RAPGEF4: variants seen among roughly 807,000 people sequenced by gnomAD.
The protein encoded by RAPGEF4 is RAP guanine-nucleotide-exchange factor (GEF) 4.
A neutral mutation model predicts 147.9 loss-of-function variants in RAPGEF4; 66 were observed. The observed-to-expected ratio is 0.45, with a 90% confidence interval of 0.37 to 0.55. The LOEUF (loss-of-function observed/expected upper bound fraction) is 0.55, where lower values mean the gene tolerates loss of function less well. Among genes scored for constraint, RAPGEF4 ranks in the 20% least tolerant of loss-of-function variants. The pLI is 0.00. For synonymous variants in RAPGEF4, 419 were observed against 442.7 expected, an observed-to-expected ratio of 0.95 and a Z score of 0.67; for missense variants, 1,071 against 1,257.3, an observed-to-expected ratio of 0.85 and a Z score of 2.24.
intron 1 of RAPGEF4, among the ~76,000 whole-genome samples, chr2:172,785,318 G>C (rs1395925704): frequency 1.3e-5 from 2 of 151,982 alleles, no homozygotes; most frequent in African/African-American, 4.8e-5. Flanking sequence ...CCTCTAAAAG[G>C]CATGGAAAAA....
At chr2:172,790,073 T>C (rs1181706675) in intron 1 of RAPGEF4, among the ~76,000 whole-genome samples, 1 of 152,240 alleles carries the variant, frequency 6.6e-6, no homozygotes, top group Non-Finnish European at 1.5e-5. Flanking sequence ...TTTTAGATAC[T>C]GACCAACAGT....
intron 1 of RAPGEF4, among the ~76,000 whole-genome samples, chr2:172,747,888 G>T (rs1439509026): frequency 3.9e-5 from 6 of 152,162 alleles, no homozygotes; most frequent in Admixed American, 1.3e-4. Context: ...GAATATTTTA[G>T]ATTCTATATG....
intron 4 of RAPGEF4, among the ~76,000 whole-genome samples, chr2:172,842,698 C>T (rs1348830210): frequency 6.6e-6 from 1 of 152,224 alleles, no homozygotes; most frequent in African/African-American, 2.4e-5. Context: ...CCCAAGAGAA[C>T]CAGGCAGAAG....
At chr2:172,828,513 C>T (rs1249449271) in intron 4 of RAPGEF4, among the ~76,000 whole-genome samples, 1 of 152,146 alleles carries the variant, frequency 6.6e-6, no homozygotes, top group Non-Finnish European at 1.5e-5. Flanking sequence ...TCCTCCTTGA[C>T]CCATCTCACA....
chr2:172,905,791 C>T (rs1467068338), intron 4 of RAPGEF4, among the ~76,000 whole-genome samples: 2 of 152,150 alleles, frequency 1.3e-5, no homozygotes, highest in African/African-American at 4.8e-5. Context: ...TATAAAAGGG[C>T]CAAAGGATGT....
chr2:172,869,275 C>A (rs1258089678), intron 4 of RAPGEF4, among the ~76,000 whole-genome samples: 1 of 152,130 alleles, frequency 6.6e-6, no homozygotes, highest in African/African-American at 2.4e-5. Flanking sequence ...ATGGAAAAAA[C>A]CAAACCAGAG....
chr2:172,782,283 G>A (rs960689464), intron 1 of RAPGEF4, among the ~76,000 whole-genome samples: 3 of 152,226 alleles, frequency 2.0e-5, no homozygotes, highest in African/African-American at 7.2e-5. Flanking sequence ...AGTCCTGGCT[G>A]TGCATGCTGT....
intron 29 of RAPGEF4, among the ~76,000 whole-genome samples, chr2:173,044,760 G>A (rs1685240750): frequency 6.6e-6 from 1 of 152,156 alleles, no homozygotes; most frequent in Non-Finnish European, 1.5e-5. Flanking sequence ...TAAAGGAGGC[G>A]CTCTAATGTG....
At chr2:172,783,295 T>C (rs543438095) in intron 1 of RAPGEF4, among the ~76,000 whole-genome samples, 1 of 152,320 alleles carries the variant, frequency 6.6e-6, no homozygotes, top group South Asian at 2.1e-4. Flanking sequence ...AGGGCAAAAT[T>C]GTGGTCTGCA....
intron 6 of RAPGEF4, among the ~76,000 whole-genome samples, chr2:172,937,106 A>C (rs756151878): frequency 6.7e-6 from 1 of 148,840 alleles, no homozygotes. Context: ...TTGCAGTCCT[A>C]CCTACTTGGG....
intron 12 of RAPGEF4, among the ~76,000 whole-genome samples, chr2:172,986,081 G>A (rs1401828607): frequency 6.6e-6 from 1 of 152,212 alleles, no homozygotes; most frequent in Non-Finnish European, 1.5e-5. Flanking sequence ...GTGAATAGAT[G>A]TGAACAATAT....
intron 4 of RAPGEF4, among the ~76,000 whole-genome samples, chr2:172,898,278 G>C (rs1458959596): frequency 1.3e-5 from 2 of 152,220 alleles, no homozygotes; most frequent in African/African-American, 4.8e-5. Context: ...AGAGGCTGGA[G>C]TGGGAACAGA....
intron 4 of RAPGEF4, among the ~76,000 whole-genome samples, chr2:172,864,981 T>C (rs144584004): frequency 1.9e-3 from 288 of 152,318 alleles, no homozygotes; most frequent in African/African-American, 6.6e-3. Flanking sequence ...TCGTACTGGA[T>C]ACTTGGAAAT....
chr2:172,922,322 C>G lies in RAPGEF4; in HGVS notation c.537+22C>G, dbSNP rs1188588800. On this transcript the variant is annotated intron_variant, in intron 6 of 30. Coordinates refer to ENST00000397081, the MANE Select transcript of RAPGEF4 (RefSeq NM_007023.4). ...GAACGTGAGTAGCTACTCTCTCTGC[C>G]TATCTTCTAAAAATTGTTATAAGGT... 2.5e-6 allele frequency: 4 copies of G among 1,595,252 alleles called. No individual in the cohort carries two copies. In the Admixed American group the frequency reaches 5.0e-5, roughly 20 times the overall value.
intron 4 of RAPGEF4, among the ~76,000 whole-genome samples, chr2:172,862,524 A>C (rs191102153): frequency 5.7e-4 from 87 of 152,312 alleles, no homozygotes; most frequent in African/African-American, 2.0e-3. Context: ...AAACTCTTTG[A>C]GAGCAGACAC....
chr2:172,784,759 A>G (rs965281387), intron 1 of RAPGEF4, among the ~76,000 whole-genome samples: 4 of 152,196 alleles, frequency 2.6e-5, no homozygotes, highest in African/African-American at 9.7e-5. Context: ...CTGACATTAT[A>G]AATACATGAT....
intron 4 of RAPGEF4, among the ~76,000 whole-genome samples, chr2:172,878,700 A>C (rs754807476): frequency 1.3e-5 from 2 of 152,356 alleles, no homozygotes; most frequent in South Asian, 4.1e-4. Flanking sequence ...AAAGAACTCA[A>C]AATATTTTAT....
chr2:172,935,364 G>A (rs777998004), intron 6 of RAPGEF4, among the ~76,000 whole-genome samples: 1 of 152,132 alleles, frequency 6.6e-6, no homozygotes, highest in Non-Finnish European at 1.5e-5. Flanking sequence ...GGCCTATGGT[G>A]GGTCACATGG....
rs373490917 is a variant in RAPGEF4 at position 173,020,400 on chromosome 2, A to G, written c.2156-218A>G. ...GGTGAATTGACCCTCTGGCATCTCTATTCCTTTTTGTGGCCATTTCTGAAG... is the reference window on the plus strand; with the variant it reads ...GGTGAATTGACCCTCTGGCATCTCTGTTCCTTTTTGTGGCCATTTCTGAAG... On this transcript the variant is annotated intron_variant, in intron 22 of 30. Coordinates refer to ENST00000397081, the MANE Select transcript of RAPGEF4 (RefSeq NM_007023.4). Among the ~76,000 whole-genome samples the G allele has an allele frequency of 1.0e-3, 158 of 152,204 alleles. No individual in the cohort carries two copies. In the South Asian group the frequency reaches 0.019, roughly 18 times the overall value.
Sources: allele counts gnomAD v4.1 joint callset (sites outside exome capture counted in the v4.1 genomes callset), GRCh38; gene constraint gnomAD v4.1.1; transcripts MANE v1.5; gene names NCBI Gene and HGNC (gene_info 2026-07-23, HGNC 2026-07-21).